The following UFSP2 variants were observed in gnomAD, a reference collection of about 807,000 sequenced individuals.
UFSP2 encodes UFM1 specific peptidase 2, also known as ufm1-specific protease 2.
UFSP2 carries 43 observed loss-of-function variants against 60.2 expected under a neutral mutation model. That is an observed-to-expected ratio of 0.71 (90% CI 0.56 to 0.92). The LOEUF is 0.92. Among genes scored for constraint, UFSP2 ranks in the 40% least tolerant of loss-of-function variants. UFSP2 has a pLI of 0.00. For missense variants in UFSP2, 520 were observed against 575.0 expected (o/e 0.90, Z 0.98); for synonymous variants, 183 against 195.1 (o/e 0.94, Z 0.52).
At chr4:185,413,153 A>G (rs2095532447) in intron 7 of UFSP2, among the ~76,000 whole-genome samples, 1 of 151,960 alleles carries the variant, frequency 6.6e-6, no homozygotes, top group Admixed American at 6.6e-5. Context: ...AAAAATACAA[A>G]AACTAGCCAG....
chr4:185,401,905 A>G (rs111579831), intron 11 of UFSP2, among the ~76,000 whole-genome samples: 4 of 152,306 alleles, frequency 2.6e-5, no homozygotes, highest in African/African-American at 9.6e-5. Flanking sequence ...GAAAATAATT[A>G]AGGCTTCTCC....
intron 11 of UFSP2, among the ~76,000 whole-genome samples, chr4:185,401,912 C>T (rs1395186098): frequency 1.3e-5 from 2 of 152,312 alleles, no homozygotes; most frequent in East Asian, 3.9e-4. Flanking sequence ...ATTAAGGCTT[C>T]TCCCTGCCTT....
chr4:185,410,673 G>A (rs554889349), intron 7 of UFSP2, among the ~76,000 whole-genome samples: 162 of 145,020 alleles, frequency 1.1e-3, no homozygotes, highest in Non-Finnish European at 1.6e-3. Context: ...TAGGCCGGGC[G>A]CAGTGGCTCA....
chr4:185,400,408 C>T lies in UFSP2; in HGVS notation c.1394G>A (p.Arg465Gln), dbSNP rs544348416. 7 of 1,612,790 alleles carry T rather than the reference C, an allele frequency of 4.3e-6. No individual in the cohort carries two copies. The highest frequency in any genetic ancestry group is 3.3e-5 in the Admixed American group (2 of 59,826). The change falls in exon 12 of 12, where the codon CGA (arginine) becomes CAA (glutamine). Residue 465 changes from arginine (R) to glutamine (Q), a missense_variant. Physicochemically the swap from Arg to Gln is conservative, Grantham distance 43 (BLOSUM62 1). Coordinates refer to ENST00000264689, the MANE Select transcript of UFSP2 (RefSeq NM_018359.5). Reference protein sequence around the residue: ...DAYYNLCLPQRPNMI With the variant: ...DAYYNLCLPQQPNMI ...CAAGATATTTTAAATCATATTTGGT[C>T]GCTGAGGAAGACATAAGTTATAGTA...
chr4:185,407,017 CTTTTTTTTTTTTTTTT>C (rs34710879), intron 9 of UFSP2, among the ~76,000 whole-genome samples: 3 of 99,094 alleles, frequency 3.0e-5, no homozygotes, highest in African/African-American at 1.1e-4. Flanking sequence ...TTTGGCTTTT[CTTTTTTTTTTTTTTTT>C]TTTTTAGAAA....
In UFSP2 at chr4:185,425,881, G is replaced by C; in HGVS notation, c.-13C>G. 1 of 1,601,192 alleles carries C rather than the reference G, an allele frequency of 6.2e-7. No individual in the cohort carries two copies. The highest frequency in any genetic ancestry group is 1.1e-5 in the South Asian group (1 of 89,084). ...AGATACTCACCATGTCCGCGACGTG[G>C]CGGTGACACGGGCGCTGACGCCTGC... is the stretch of plus-strand genomic sequence containing the variant. On this transcript the variant is annotated 5_prime_UTR_variant, in exon 1 of 12. Transcript: ENST00000264689.
chr4:185,424,460 T>C (rs928515920), intron 1 of UFSP2, among the ~76,000 whole-genome samples: 1 of 152,246 alleles, frequency 6.6e-6, no homozygotes, highest in Non-Finnish European at 1.5e-5. Flanking sequence ...GTCACTGTTT[T>C]TATTTATTCT....
chr4:185,410,396 T>C (rs1260615252), intron 7 of UFSP2, among the ~76,000 whole-genome samples: 1 of 152,178 alleles, frequency 6.6e-6, no homozygotes, highest in Non-Finnish European at 1.5e-5. Context: ...ATGCCTGTAA[T>C]CCCAGCACTT....
At chr4:185,410,447 G>A (rs1382160257) in intron 7 of UFSP2, among the ~76,000 whole-genome samples, 2 of 151,154 alleles carry the variant, frequency 1.3e-5, no homozygotes, top group African/African-American at 4.9e-5. Context: ...TCAGGAGTTC[G>A]AGACCAGCCT....
intron 11 of UFSP2, among the ~76,000 whole-genome samples, chr4:185,403,188 T>TA (rs769839456): frequency 1.3e-5 from 2 of 152,252 alleles, no homozygotes; most frequent in African/African-American, 4.8e-5. Flanking sequence ...AAGACATTGA[T>TA]AAACTTTGAT....
intron 11 of UFSP2, chr4:185,402,198 C>T (rs2095514097): frequency 2.4e-6 from 1 of 424,720 alleles, no homozygotes; most frequent in Non-Finnish European, 4.7e-6. Flanking sequence ...AATACTAGTG[C>T]TTAGGACAGT....
intron 11 of UFSP2, 44 bp downstream of exon 11, chr4:185,403,450 G>A (rs1364716953): frequency 1.9e-6 from 3 of 1,598,988 alleles, no homozygotes; most frequent in African/African-American, 2.7e-5. Context: ...TTCATTTCTA[G>A]CTTCTTTGCC....
chr4:185,403,670 T>C (rs769474114), intron 10 of UFSP2, 52 bp from the exon 11 acceptor site: 1 of 1,588,798 alleles, frequency 6.3e-7, no homozygotes, highest in South Asian at 1.1e-5. Context: ...AAATGTCAAA[T>C]GCCTATTCAA....
At position 185,415,184 on chromosome 4, in the gene UFSP2, G is replaced by C. The variant is rs142237251; in HGVS notation, c.655C>G (p.Pro219Ala). Reference sequence around the variant, plus strand: ...CTATAGGCCTGCAGCTGGCCATCTGGTATTCCTGAAGGATATGAAATTGTT... The same window carrying C: ...CTATAGGCCTGCAGCTGGCCATCTGCTATTCCTGAAGGATATGAAATTGTT... ...LVTISYPSGI[P>A]DGQLQAYRKE... The change falls in exon 6 of 12, where the codon CCA becomes GCA. Residue 219 changes from proline to alanine, a missense_variant. Coordinates refer to ENST00000264689, the MANE Select transcript of UFSP2 (RefSeq NM_018359.5). The C allele has an allele frequency of 5.0e-6, 8 of 1,602,096 alleles. No homozygotes were observed. Among genetic ancestry groups the C allele is most frequent in the South Asian group, 3.4e-5 (3 of 88,320 alleles).
intron 7 of UFSP2, among the ~76,000 whole-genome samples, chr4:185,411,414 C>G (rs2095529120): frequency 6.6e-6 from 1 of 151,844 alleles, no homozygotes; most frequent in South Asian, 2.1e-4. Flanking sequence ...TTTAGTAAAC[C>G]AGTATATCAC....
At position 185,418,503 on chromosome 4, in the gene UFSP2, C is replaced by T; in HGVS notation, c.271G>A (p.Glu91Lys). The T allele has an allele frequency of 6.2e-7, 1 of 1,611,784 alleles. No homozygotes were observed. The highest frequency in any genetic ancestry group is 8.5e-7 in the Non-Finnish European group (1 of 1,179,024). ...TTTCTTTTTATATCTTCTTCTGGCT[C>T]AAATCTAAATTTTTAATACACAGAC... ...CKNILRFIQF[E>K]PEEDIKRKFM... The change falls in exon 4 of 12, where the codon GAG becomes AAG. Residue 91 changes from glutamate to lysine, a missense_variant. By Grantham distance (56) the Glu-to-Lys change is moderately conservative. Coordinates refer to ENST00000264689, the MANE Select transcript of UFSP2 (RefSeq NM_018359.5).
intron 11 of UFSP2, chr4:185,402,398 A>G (rs544410644): frequency 7.0e-5 from 31 of 442,014 alleles, no homozygotes; most frequent in Non-Finnish European, 1.2e-4. Flanking sequence ...ACACATTTCT[A>G]TCCTATTAGT....
intron 2 of UFSP2, 35 bp from the exon 3 acceptor site, chr4:185,418,805 A>G: frequency 6.6e-7 from 1 of 1,520,932 alleles, no homozygotes; most frequent in Non-Finnish European, 8.8e-7. Context: ...AGTTAAGAAA[A>G]ACAAATTTTT....
rs777270795 is a variant in UFSP2, at chr4:185,415,809, G to A, written c.392C>T (p.Thr131Met). The A allele has an allele frequency of 2.0e-5, 32 of 1,613,328 alleles. No homozygotes were observed. The highest frequency in any genetic ancestry group is 5.5e-5 in the South Asian group (5 of 91,044). Residue 131 changes from threonine to methionine, a missense_variant, in exon 5 of 12, where the codon ACG becomes ATG. Thr to Met is a moderately conservative substitution (Grantham distance 81, BLOSUM62 -1). Transcript: ENST00000264689. ...LEMSTSLAAV[T>M]PIIERESGGH... ...TCCGCTTTCCCTTTCAATGATGGGC[G>A]TTACAGCTGCCAGGGAGGTTGACAT...
Sources: allele counts gnomAD v4.1 joint callset (sites outside exome capture counted in the v4.1 genomes callset), GRCh38; gene constraint gnomAD v4.1.1; transcripts MANE v1.5; gene names NCBI Gene and HGNC (gene_info 2026-07-23, HGNC 2026-07-21).